The following SEL1L variants were observed in gnomAD, a reference collection of about 807,000 sequenced individuals.
SEL1L encodes the protein SEL1L adaptor subunit of SYVN1 ubiquitin ligase.
Under a neutral mutation model 109.8 loss-of-function variants are expected in SEL1L, and 52 were observed. The ratio of observed to expected loss-of-function variants is 0.47; its 90% CI spans 0.38 to 0.60. SEL1L has a LOEUF of 0.60. Among genes scored for constraint, SEL1L ranks in the 20% least tolerant of loss-of-function variants. SEL1L has a pLI of 0.00. For missense variants in SEL1L, 749 were observed against 962.2 expected (o/e 0.78, Z 2.93); for synonymous variants, 373 against 339.6 (o/e 1.10, Z -1.08).
In SEL1L at chr14:81,526,941, T is replaced by C. The variant is rs767090496; in HGVS notation, c.132A>G (p.Ser44=). 6 of 1,610,226 alleles carry C rather than the reference T, an allele frequency of 3.7e-6. 1 individual carries two copies. In the South Asian group the frequency reaches 4.4e-5, roughly 12 times the overall value. ...TGCCTGCAGTAGTATGGTCCTTTAC[T>C]GACTCATCTGATGTCAAAGTAGTCT... ...DSKTTLTSDE[S]VKDHTTAGRV... The change falls in exon 3 of 21, where the codon TCA becomes TCG. Residue 44 remains serine, a synonymous_variant. Transcript: ENST00000336735.
At chr14:81,482,570 C>A (rs1381558811) in intron 19 of SEL1L, among the ~76,000 whole-genome samples, 3 of 152,118 alleles carry the variant, frequency 2.0e-5, no homozygotes, top group Admixed American at 6.6e-5. Flanking sequence ...ATTTGGGACA[C>A]TGGATGACTG....
At chr14:81,504,727 G>A (rs1884165834) in intron 4 of SEL1L, among the ~76,000 whole-genome samples, 1 of 151,966 alleles carries the variant, frequency 6.6e-6, no homozygotes, top group East Asian at 1.9e-4. Flanking sequence ...CTGGTGAGAG[G>A]CGACTAGATC....
At chr14:81,525,581 A>G (rs114316341) in intron 3 of SEL1L, among the ~76,000 whole-genome samples, 1,531 of 152,236 alleles carry the variant, frequency 0.01, 21 homozygotes, top group African/African-American at 0.035. Flanking sequence ...CAATTTAACA[A>G]TGTGTATCTA....
chr14:81,492,358 T>A, intron 12 of SEL1L, 122 bp downstream of exon 12: 1 of 749,832 alleles, frequency 1.3e-6, no homozygotes, highest in Non-Finnish European at 2.3e-6. Context: ...GATATAATAG[T>A]CTTGCACTAG....
intron 3 of SEL1L, among the ~76,000 whole-genome samples, chr14:81,508,947 A>G (rs1432674824): frequency 2.0e-5 from 3 of 152,230 alleles, no homozygotes; most frequent in African/African-American, 7.2e-5. Flanking sequence ...ATTTGACAAC[A>G]AAAGGTTTTC....
intron 13 of SEL1L, among the ~76,000 whole-genome samples, chr14:81,489,886 T>G (rs1003481998): frequency 6.6e-6 from 1 of 152,172 alleles, no homozygotes; most frequent in African/African-American, 2.4e-5. Flanking sequence ...AAGATTGTCA[T>G]AGCATTCCTT....
chr14:81,507,262 G>A (rs1884277144), intron 3 of SEL1L, among the ~76,000 whole-genome samples: 2 of 152,296 alleles, frequency 1.3e-5, no homozygotes, highest in South Asian at 4.2e-4. Context: ...TAAAAGAGTG[G>A]AAAGTATGTA....
chr14:81,494,089 T>C (rs1377877029), intron 11 of SEL1L, among the ~76,000 whole-genome samples: 1 of 152,140 alleles, frequency 6.6e-6, no homozygotes, highest in East Asian at 1.9e-4. Flanking sequence ...TTCAATCCAG[T>C]CTATTCGACT....
intron 3 of SEL1L, among the ~76,000 whole-genome samples, chr14:81,515,096 C>G (rs1006259688): frequency 6.6e-5 from 10 of 152,102 alleles, no homozygotes; most frequent in Non-Finnish European, 4.4e-5. Context: ...AATGATAAGC[C>G]TCCTCTAATC....
chr14:81,519,408 GGT>G (rs1884826090), intron 3 of SEL1L, among the ~76,000 whole-genome samples: 1 of 152,166 alleles, frequency 6.6e-6, no homozygotes, highest in South Asian at 2.1e-4. Flanking sequence ...TGCACCTGAG[GGT>G]GTGGTCTTGG....
intron 10 of SEL1L, 69 bp downstream of exon 10, chr14:81,497,823 G>A: frequency 7.1e-7 from 1 of 1,405,130 alleles, no homozygotes; most frequent in South Asian, 1.4e-5. Context: ...ATAAGTGCTT[G>A]CTCCCGTCCC....
chr14:81,502,105 G>A (rs940699888), intron 6 of SEL1L, among the ~76,000 whole-genome samples: 1 of 151,946 alleles, frequency 6.6e-6, no homozygotes, highest in Non-Finnish European at 1.5e-5. Context: ...AACATAGTGT[G>A]GGTATTATAT....
chr14:81,488,253 T>C (rs910007774), intron 14 of SEL1L, among the ~76,000 whole-genome samples: 1 of 152,096 alleles, frequency 6.6e-6, no homozygotes, highest in Non-Finnish European at 1.5e-5. Context: ...TGCTAACCAA[T>C]CAACCCTTTT....
Position 81,515,349 on chromosome 14 carries a change from G to T in SEL1L, c.341-9108C>A, listed in dbSNP as rs531592258. On this transcript the variant is annotated intron_variant, in intron 3 of 20. Coordinates refer to ENST00000336735, the MANE Select transcript of SEL1L (RefSeq NM_005065.6). ...GCAAACCTTCGATCTCACTTGGAGA[G>T]ATGTTATGTTATTGTTAGATCAAAC... 1.1e-4 allele frequency among the ~76,000 whole-genome samples: 16 copies of T among 152,364 alleles called. No individual in the cohort carries two copies. In the East Asian group the frequency reaches 3.1e-3, roughly 29 times the overall value.
chr14:81,515,961 A>C (rs1438645328), intron 3 of SEL1L, among the ~76,000 whole-genome samples: 2 of 152,184 alleles, frequency 1.3e-5, no homozygotes, highest in Admixed American at 1.3e-4. Flanking sequence ...TGGTTCAAAG[A>C]GGACAGAAAA....
At chr14:81,494,434 A>G (rs1883662998) in intron 11 of SEL1L, among the ~76,000 whole-genome samples, 1 of 152,148 alleles carries the variant, frequency 6.6e-6, no homozygotes, top group South Asian at 2.1e-4. Flanking sequence ...ACTGCAGCCA[A>G]AGCCATTGTT....
At chr14:81,514,416 C>G (rs1884615546) in intron 3 of SEL1L, among the ~76,000 whole-genome samples, 2 of 152,166 alleles carry the variant, frequency 1.3e-5, no homozygotes, top group Admixed American at 1.3e-4. Context: ...TAAAATCCCA[C>G]TACTAACAGG....
At chr14:81,478,858 C>A (rs755348647) in intron 20 of SEL1L, among the ~76,000 whole-genome samples, 3 of 152,162 alleles carry the variant, frequency 2.0e-5, no homozygotes, top group Non-Finnish European at 4.4e-5. Context: ...AAGACATTAA[C>A]AAAAGGGTGA....
chr14:81,506,704 G>C (rs1884254251), intron 3 of SEL1L, among the ~76,000 whole-genome samples: 1 of 152,100 alleles, frequency 6.6e-6, no homozygotes, highest in South Asian at 2.1e-4. Context: ...CAATCCTGTG[G>C]CATTTTATTA....
Sources: gnomAD v4.1 joint callset for allele counts (sites outside exome capture counted in the v4.1 genomes callset) on GRCh38, gnomAD v4.1.1 for gene constraint, MANE v1.5 for transcripts, NCBI Gene and HGNC (gene_info 2026-07-23, HGNC 2026-07-21) for gene names.